ITGBL1: variants seen among roughly 807,000 people sequenced by gnomAD.
The protein encoded by ITGBL1 is integrin beta-like protein 1.
ITGBL1 carries 51 observed loss-of-function variants against 68.5 expected under a neutral mutation model. The observed-to-expected ratio is 0.74, with a 90% CI of 0.59 to 0.94. The LOEUF (loss-of-function observed/expected upper bound fraction) is 0.94, where lower values mean the gene tolerates loss of function less well. Ranked by LOEUF, ITGBL1 falls within the 40% of genes least tolerant of loss-of-function variation. The pLI is 0.00. For synonymous variants in ITGBL1, 209 were observed against 227.3 expected (o/e 0.92, Z 0.72); for missense variants, 649 against 647.4 (o/e 1.00, Z -0.03).
chr13:101,624,899 A>G (rs2139395517), intron 7 of ITGBL1, among the ~76,000 whole-genome samples: 1 of 152,328 alleles, frequency 6.6e-6, no homozygotes, highest in East Asian at 1.9e-4. Flanking sequence ...ATAAAATACA[A>G]TCTGTGAATT....
chr13:101,693,630 C>T (rs1261547235), intron 8 of ITGBL1, among the ~76,000 whole-genome samples: 1 of 123,972 alleles, frequency 8.1e-6, no homozygotes, highest in Non-Finnish European at 1.6e-5. Flanking sequence ...GTCTGTCTAT[C>T]TATCTATCTA....
chr13:101,535,530 C>A (rs1343652180), intron 2 of ITGBL1, among the ~76,000 whole-genome samples: 1 of 152,110 alleles, frequency 6.6e-6, no homozygotes, highest in Non-Finnish European at 1.5e-5. Context: ...TTCTAAAATT[C>A]CTCTGACTTG....
intron 2 of ITGBL1, among the ~76,000 whole-genome samples, chr13:101,535,764 T>G (rs1347863962): frequency 6.6e-6 from 1 of 152,052 alleles, no homozygotes; most frequent in African/African-American, 2.4e-5. Flanking sequence ...TTCCAAAAAC[T>G]TTTGCGAAGA....
intron 2 of ITGBL1, among the ~76,000 whole-genome samples, chr13:101,541,171 T>G (rs1406361705): frequency 1.3e-5 from 2 of 150,132 alleles, no homozygotes. Flanking sequence ...GCCCATTCAG[T>G]ATGATATTGG....
intron 9 of ITGBL1, chr13:101,712,529 T>A (rs2034516810): frequency 6.6e-6 from 1 of 152,154 alleles, no homozygotes; most frequent in Admixed American, 6.5e-5. Context: ...GTGACATATA[T>A]AAAATGATAT....
Position 101,706,800 on chromosome 13 carries a change from T to C in ITGBL1, c.1177T>C (p.Trp393Arg). 6.2e-7 allele frequency: 1 copy of C among 1,614,156 alleles called. No individual in the cohort carries two copies. The highest frequency in any genetic ancestry group is 8.5e-7 in the Non-Finnish European group (1 of 1,180,030). The change falls in exon 9 of 11, where the codon TGG (tryptophan) becomes CGG (arginine). Residue 393 changes from tryptophan to arginine, a missense_variant. Coordinates refer to ENST00000376180, the MANE Select transcript of ITGBL1 (RefSeq NM_004791.3). Reference sequence around the variant, plus strand: ...TGGTCGCTGTGTTTGTGAGAGAGGATGGTTTGGAAAGCTCTGCCAACATCC... The same window carrying C: ...TGGTCGCTGTGTTTGTGAGAGAGGACGGTTTGGAAAGCTCTGCCAACATCC... Reference protein sequence around the residue: ...SCGRCVCERGWFGKLCQHPRK... With the variant: ...SCGRCVCERGRFGKLCQHPRK...
At chr13:101,667,605 A>G (rs2033254370) in intron 7 of ITGBL1, among the ~76,000 whole-genome samples, 1 of 152,202 alleles carries the variant, frequency 6.6e-6, no homozygotes, top group African/African-American at 2.4e-5. Context: ...GAAAATCTTA[A>G]GTTTAGCCAT....
At chr13:101,694,980 A>G (rs993572138) in intron 8 of ITGBL1, among the ~76,000 whole-genome samples, 8 of 152,230 alleles carry the variant, frequency 5.3e-5, no homozygotes, top group East Asian at 1.9e-4. Context: ...TGCCAGCACT[A>G]GACATTCAGT....
In ITGBL1 at chr13:101,715,827, A is replaced by G; in HGVS notation, c.*173A>G. ...TACCTATTAGAAATGAGTTATGCAAATTTAGATGCAAATAACATTAGAAAA... is the reference window on the plus strand; with the variant it reads ...TACCTATTAGAAATGAGTTATGCAAGTTTAGATGCAAATAACATTAGAAAA... On this transcript the variant is annotated 3_prime_UTR_variant, in exon 11 of 11. Coordinates refer to ENST00000376180, the MANE Select transcript of ITGBL1 (RefSeq NM_004791.3). 2.1e-6 allele frequency: 1 copy of G among 477,616 alleles called. No homozygotes were observed. Among genetic ancestry groups the G allele is most frequent in the Non-Finnish European group, 3.8e-6 (1 of 264,810 alleles). 29.6% of individuals were successfully genotyped at this position (477,616 alleles called of 1,614,324 possible). A position where few individuals can be genotyped will look rare whatever the true frequency, so the allele number is the denominator to read the frequency against.
At chr13:101,604,887 T>TACACACACACACACACACACACACACAC (rs1555361670) in intron 7 of ITGBL1, among the ~76,000 whole-genome samples, 79 of 22,152 alleles carry the variant, frequency 3.6e-3, no homozygotes, top group Admixed American at 5.7e-3. Context: ...TATATATATA[T>TACACACACACACACACACACACACACAC]ACACACACAC....
At chr13:101,659,968 C>G (rs185033723) in intron 7 of ITGBL1, among the ~76,000 whole-genome samples, 200 of 152,210 alleles carry the variant, frequency 1.3e-3, no homozygotes, top group Middle Eastern at 3.4e-3. Flanking sequence ...AATAACAGCA[C>G]TACTAACATT....
chr13:101,709,704 T>C (rs1439215179), intron 9 of ITGBL1, among the ~76,000 whole-genome samples: 6 of 152,228 alleles, frequency 3.9e-5, no homozygotes, highest in Non-Finnish European at 7.3e-5. Context: ...TTTATATTTG[T>C]TTATTTTAAG....
chr13:101,579,432 G>T lies in ITGBL1; in HGVS notation c.727+5G>T, dbSNP rs757763025. The T allele has an allele frequency of 1.2e-6, 2 of 1,613,290 alleles. No homozygotes were observed. Among genetic ancestry groups the T allele is most frequent in the South Asian group, 2.2e-5 (2 of 91,034 alleles). The stretch of plus-strand genomic sequence containing the variant: ...GCAAAATCTGCAGTAACAGAGGTGT[G>T]TCATTCATACATGTTACTACATAAT... On this transcript the variant is annotated splice_donor_5th_base_variant and intron_variant, in intron 5 of 10. Transcript: ENST00000376180.
intron 2 of ITGBL1, among the ~76,000 whole-genome samples, chr13:101,509,916 C>G (rs1220198393): frequency 6.6e-6 from 1 of 151,926 alleles, no homozygotes; most frequent in African/African-American, 2.4e-5. Context: ...TTACTTAATT[C>G]AACAGAGTGC....
intron 6 of ITGBL1, among the ~76,000 whole-genome samples, chr13:101,585,814 A>T (rs1424152286): frequency 6.6e-6 from 1 of 152,214 alleles, no homozygotes; most frequent in Non-Finnish European, 1.5e-5. Context: ...TATAAAAGGC[A>T]GTATTTTAAA....
chr13:101,620,823 C>T (rs533301373), intron 7 of ITGBL1, among the ~76,000 whole-genome samples: 2 of 152,106 alleles, frequency 1.3e-5, no homozygotes, highest in South Asian at 4.1e-4. Flanking sequence ...GCCAGAGACT[C>T]CCACCAGTGA....
chr13:101,708,995 T>C (rs1202638984), intron 9 of ITGBL1, among the ~76,000 whole-genome samples: 1 of 152,200 alleles, frequency 6.6e-6, no homozygotes, highest in Non-Finnish European at 1.5e-5. Context: ...ATTCAAGCTG[T>C]GTTGGGACAA....
At chr13:101,541,904 C>T (rs1275772997) in intron 2 of ITGBL1, among the ~76,000 whole-genome samples, 1 of 151,750 alleles carries the variant, frequency 6.6e-6, no homozygotes, top group Admixed American at 6.6e-5. Context: ...TGGTGATATC[C>T]CCTTTATCAT....
At chr13:101,626,274 A>G (rs2031776107) in intron 7 of ITGBL1, among the ~76,000 whole-genome samples, 2 of 152,198 alleles carry the variant, frequency 1.3e-5, no homozygotes, top group South Asian at 4.1e-4. Flanking sequence ...CCACCCATGG[A>G]TTTTTATAGC....
Sources: gnomAD v4.1 joint callset for allele counts (sites outside exome capture counted in the v4.1 genomes callset) on GRCh38, gnomAD v4.1.1 for gene constraint, MANE v1.5 for transcripts, NCBI Gene and HGNC (gene_info 2026-07-23, HGNC 2026-07-21) for gene names.